Variants in MACROD2 observed in about 807,000 individuals in gnomAD.
MACROD2 encodes mono-ADP ribosylhydrolase 2.
A neutral mutation model predicts 70.4 loss-of-function variants in MACROD2; 36 were observed. The ratio of observed to expected loss-of-function variants is 0.51; its 90% CI spans 0.39 to 0.68. The LOEUF is 0.68. Ranked by LOEUF, MACROD2 falls within the 30% of genes least tolerant of loss-of-function variation. The pLI, the probability that MACROD2 is intolerant of heterozygous loss-of-function variation, is 0.00. For synonymous variants in MACROD2, 172 were observed against 178.8 expected, an observed-to-expected ratio of 0.96 and a Z score of 0.30; for missense variants, 496 against 538.4, an observed-to-expected ratio of 0.92 and a Z score of 0.78.
At chr20:15,701,004 CCGACGA>C (rs2050449857) in intron 8 of MACROD2, among the ~76,000 whole-genome samples, 1 of 152,202 alleles carries the variant, frequency 6.6e-6, no homozygotes, top group African/African-American at 2.4e-5. Flanking sequence ...AGCTGTTTAA[CCGACGA>C]TGCTCATGTT....
intron 3 of MACROD2, among the ~76,000 whole-genome samples, chr20:14,345,305 C>G (rs2122675633): frequency 6.6e-6 from 1 of 152,208 alleles, no homozygotes; most frequent in South Asian, 2.1e-4. Flanking sequence ...GCAAATCTTT[C>G]TAGCTTATAT....
At chr20:14,740,855 C>G (rs1299549282) in intron 5 of MACROD2, among the ~76,000 whole-genome samples, 2 of 152,100 alleles carry the variant, frequency 1.3e-5, no homozygotes, top group South Asian at 2.1e-4. Context: ...GCCATCTTGG[C>G]CCTTTGTGGG....
chr20:14,120,849 T>C (rs1319933741), intron 3 of MACROD2, among the ~76,000 whole-genome samples: 1 of 147,046 alleles, frequency 6.8e-6, no homozygotes, highest in Non-Finnish European at 1.5e-5. Flanking sequence ...TCATAATGAG[T>C]TGAACAATGA....
intron 3 of MACROD2, among the ~76,000 whole-genome samples, chr20:14,336,263 T>A (rs204604): frequency 0.018 from 2,729 of 152,150 alleles, 57 homozygotes; most frequent in African/African-American, 0.046. Context: ...ACAGATTTAT[T>A]AAGAATGTTT....
In MACROD2 at chr20:14,363,816, C is replaced by CAAAAA. The variant is rs569929488; in HGVS notation, c.272-129634_272-129630dup. 7.2e-3 allele frequency among the ~76,000 whole-genome samples: 513 copies of CAAAAA among 71,590 alleles called. 1 individual carries two copies. Among genetic ancestry groups the CAAAAA allele is most frequent in the Middle Eastern group, 0.026 (2 of 76 alleles). The allele number at this position is 71,590 out of a possible 152,430, so 47.0% of individuals were successfully genotyped here. ...TGGGCGACAGAGCCAGACTCTGTCT[C>CAAAAA]AAAAAAAAAAAAAAAAAAAAAAAAA... On this transcript the variant is annotated intron_variant, in intron 3 of 17. Coordinates refer to ENST00000684519, the MANE Select transcript of MACROD2 (RefSeq NM_001351661.2).
At chr20:14,746,279 C>G (rs952703375) in intron 5 of MACROD2, among the ~76,000 whole-genome samples, 1 of 152,200 alleles carries the variant, frequency 6.6e-6, no homozygotes, top group East Asian at 1.9e-4. Context: ...TGTGACCGCT[C>G]ATGTTTGCAG....
At chr20:14,955,884 C>A (rs2074532161) in intron 5 of MACROD2, among the ~76,000 whole-genome samples, 1 of 152,162 alleles carries the variant, frequency 6.6e-6, no homozygotes, top group South Asian at 2.1e-4. Flanking sequence ...GAAGGACCCA[C>A]AATCACTATC....
intron 15 of MACROD2, among the ~76,000 whole-genome samples, chr20:16,005,590 C>T (rs1256954555): frequency 6.6e-6 from 1 of 152,206 alleles, no homozygotes; most frequent in Non-Finnish European, 1.5e-5. Context: ...AACCTAATTC[C>T]AACTTAGGAG....
At chr20:14,100,785 T>C (rs1218380057) in intron 3 of MACROD2, among the ~76,000 whole-genome samples, 1 of 137,056 alleles carries the variant, frequency 7.3e-6, no homozygotes, top group Non-Finnish European at 1.5e-5. Context: ...ATATATTACA[T>C]ATTATATATT....
rs1024868024 is a variant in MACROD2, at chr20:14,076,367, C to T, written c.164-9254C>T. Among the ~76,000 whole-genome samples, 15 of 152,018 alleles carry T rather than the reference C, an allele frequency of 9.9e-5. No individual in the cohort carries two copies. The East Asian group carries it at 1.2e-3, about 12-fold the overall frequency. ...ACCCAAATGTGTTTTAAAGTTCATA[C>T]GGGCTGGATGTGGTAGATCACACCT... On this transcript the variant is annotated intron_variant, in intron 2 of 17. Transcript: ENST00000684519.
At chr20:15,579,810 T>C (rs953259497) in intron 8 of MACROD2, among the ~76,000 whole-genome samples, 2 of 152,222 alleles carry the variant, frequency 1.3e-5, no homozygotes, top group African/African-American at 4.8e-5. Context: ...TGAATATGGA[T>C]ATGGAAAATA....
At chr20:15,478,303 A>C in intron 7 of MACROD2, among the ~76,000 whole-genome samples, 1 of 152,240 alleles carries the variant, frequency 6.6e-6, no homozygotes, top group Non-Finnish European at 1.5e-5. Flanking sequence ...TTATTCCCAG[A>C]GGTGGCAGCT....
At position 15,299,255 on chromosome 20, in the gene MACROD2, A is replaced by G. The variant is rs6043188; in HGVS notation, c.540+69194A>G. Among the ~76,000 whole-genome samples, 882 of 152,288 alleles carry G rather than the reference A, an allele frequency of 5.8e-3. 14 individuals are homozygous for G. Among genetic ancestry groups the G allele is most frequent in the African/African-American group, 0.02 (829 of 41,562 alleles). On this transcript the variant is annotated intron_variant, in intron 6 of 17. Coordinates refer to ENST00000684519, the MANE Select transcript of MACROD2 (RefSeq NM_001351661.2). ...ATTTCTAACCCCCATTTTTGAGACT[A>G]TCTTAAGAGTCATTGTCTAGGGATG...
intron 3 of MACROD2, among the ~76,000 whole-genome samples, chr20:14,485,945 A>G (rs750586639): frequency 1.3e-5 from 2 of 152,082 alleles, no homozygotes; most frequent in Non-Finnish European, 2.9e-5. Flanking sequence ...GGCCATCCTT[A>G]TGACCATCTG....
At chr20:15,121,368 C>G (rs1367174953) in intron 5 of MACROD2, among the ~76,000 whole-genome samples, 1 of 151,932 alleles carries the variant, frequency 6.6e-6, no homozygotes, top group Non-Finnish European at 1.5e-5. Context: ...CAAAAGTGAG[C>G]TGGGCATGGT....
intron 8 of MACROD2, among the ~76,000 whole-genome samples, chr20:15,801,200 A>AAG (rs1555781105): frequency 1.5e-5 from 2 of 137,820 alleles, no homozygotes; most frequent in Non-Finnish European, 3.0e-5. Context: ...AAAAAAAAAA[A>AAG]AAAACGAAAA....
Position 15,021,121 on chromosome 20 carries a change from C to CACACCT in MACROD2, c.419-208819_419-208818insACACCT, listed in dbSNP as rs368283801. Among the ~76,000 whole-genome samples the CACACCT allele has an allele frequency of 1.3e-3, 137 of 102,140 alleles. 5 individuals carry two copies. The highest frequency in any genetic ancestry group is 4.0e-3 in the Admixed American group (44 of 10,924). The allele number at this position is 102,140 out of a possible 152,430, so 67.0% of individuals were successfully genotyped here. ...GTGTATACACGTGTATGTGTATACA[C>CACACCT]GTGTGTATACACATACGTGTGTGTA... On this transcript the variant is annotated intron_variant, in intron 5 of 17. Coordinates refer to ENST00000684519, the MANE Select transcript of MACROD2 (RefSeq NM_001351661.2).
intron 3 of MACROD2, among the ~76,000 whole-genome samples, chr20:14,160,257 C>T (rs1454417173): frequency 6.6e-6 from 1 of 152,082 alleles, no homozygotes; most frequent in Non-Finnish European, 1.5e-5. Context: ...AGATAATTCC[C>T]TCTGCTTCAG....
intron 8 of MACROD2, among the ~76,000 whole-genome samples, chr20:15,667,688 CAATT>C (rs923200703): frequency 4.3e-4 from 65 of 152,282 alleles, no homozygotes; most frequent in African/African-American, 1.5e-3. Context: ...TGAATTCCCT[CAATT>C]AATCCTCCCA....
Sources: gnomAD v4.1 joint callset for allele counts (sites outside exome capture counted in the v4.1 genomes callset) on GRCh38, gnomAD v4.1.1 for gene constraint, MANE v1.5 for transcripts, NCBI Gene and HGNC (gene_info 2026-07-23, HGNC 2026-07-21) for gene names.